The following PAPPA variants were observed in gnomAD, a reference collection of about 807,000 sequenced individuals.
PAPPA encodes the protein pappalysin 1, also known as pappalysin-1.
A neutral mutation model predicts 164.0 loss-of-function variants in PAPPA; 60 were observed. The ratio of observed to expected loss-of-function variants is 0.37; its 90% CI spans 0.30 to 0.45. The LOEUF is 0.45. Ranked by LOEUF, PAPPA falls within the 20% of genes least tolerant of loss-of-function variation. PAPPA has a pLI of 1.00. For synonymous variants in PAPPA, 875 were observed against 814.1 expected, an observed-to-expected ratio of 1.07 and a Z score of -1.27; for missense variants, 1,782 against 2,087.3, an observed-to-expected ratio of 0.85 and a Z score of 2.85.
chr9:116,244,970 TACTC>T (rs1222657645), intron 7 of PAPPA, among the ~76,000 whole-genome samples: 1 of 152,212 alleles, frequency 6.6e-6, no homozygotes, highest in Non-Finnish European at 1.5e-5. Flanking sequence ...AATGGAATGT[TACTC>T]AGCCATTAAA....
At chr9:116,280,823 A>G (rs1217582605) in intron 9 of PAPPA, among the ~76,000 whole-genome samples, 3 of 152,224 alleles carry the variant, frequency 2.0e-5, no homozygotes. Flanking sequence ...ATTTGCCACT[A>G]CAAAGGTGGA....
chr9:116,367,649 G>A lies in PAPPA; in HGVS notation c.4500G>A (p.Ser1500=), dbSNP rs148468362. 9.6e-5 allele frequency: 155 copies of A among 1,612,934 alleles called. No homozygotes were observed. Among genetic ancestry groups the A allele is most frequent in the South Asian group, 8.4e-4 (76 of 90,926 alleles). The change falls in exon 19 of 22, where the codon TCG becomes TCA. Residue 1500 remains serine, a synonymous_variant. Transcript: ENST00000328252. ...CTCATGCTGTACTTCCCTCAGGGTC[G>A]GAGTGTGCCACCTCGTGCCTGGACC... ...LQCPDGYAIG[S]ECATSCLDHN... is the part of the protein sequence containing the mutation.
chr9:116,375,643 G>C (rs896643710), intron 19 of PAPPA, among the ~76,000 whole-genome samples: 1 of 152,130 alleles, frequency 6.6e-6, no homozygotes, highest in African/African-American at 2.4e-5. Context: ...AGATTTTATG[G>C]AGCAGAGAAG....
intron 1 of PAPPA, among the ~76,000 whole-genome samples, chr9:116,160,591 A>C (rs1843654647): frequency 1.3e-5 from 2 of 152,078 alleles, no homozygotes; most frequent in South Asian, 4.2e-4. Flanking sequence ...AGAAGAGAAA[A>C]TCTCCAGGTA....
intron 1 of PAPPA, among the ~76,000 whole-genome samples, chr9:116,171,697 T>C (rs1444273748): frequency 6.6e-6 from 1 of 152,154 alleles, no homozygotes. Flanking sequence ...CATCCTTCCG[T>C]CTGTCCTCAT....
rs1169893454 is a variant in PAPPA at position 116,398,933 on chromosome 9, G to A, written c.*2317G>A. The A allele has an allele frequency of 3.9e-5, 13 of 334,258 alleles. No homozygotes were observed. The Admixed American group carries it at 5.5e-4, about 14-fold the overall frequency. 20.7% of individuals were successfully genotyped at this position (334,258 alleles called of 1,614,324 possible). A position where few individuals can be genotyped will look rare whatever the true frequency, so the allele number is the denominator to read the frequency against. ...ACTCTCCAGGCCTCTCTCTTGCCCTGAGTTATCAGCCTGTGTGGTGTTAAC... is the reference window on the plus strand; with the variant it reads ...ACTCTCCAGGCCTCTCTCTTGCCCTAAGTTATCAGCCTGTGTGGTGTTAAC... On this transcript the variant is annotated 3_prime_UTR_variant, in exon 22 of 22. Transcript: ENST00000328252.
At chr9:116,217,729 T>C (rs1418209679) in intron 4 of PAPPA, among the ~76,000 whole-genome samples, 1 of 152,142 alleles carries the variant, frequency 6.6e-6, no homozygotes, top group African/African-American at 2.4e-5. Flanking sequence ...TTGCTCTTAG[T>C]GCCCCACACC....
intron 9 of PAPPA, chr9:116,288,842 G>C (rs1845378309): frequency 2.0e-5 from 3 of 152,020 alleles, no homozygotes; most frequent in African/African-American, 7.2e-5. Flanking sequence ...ACCAGTCAGA[G>C]TTCAGGGTGG....
chr9:116,273,722 C>T (rs905901189), intron 9 of PAPPA, among the ~76,000 whole-genome samples: 13 of 151,972 alleles, frequency 8.6e-5, no homozygotes, highest in Admixed American at 2.6e-4. Flanking sequence ...TGCAGTGAGC[C>T]GAGATCATGC....
At chr9:116,272,305 A>G (rs1845146361) in intron 9 of PAPPA, among the ~76,000 whole-genome samples, 2 of 152,226 alleles carry the variant, frequency 1.3e-5, no homozygotes, top group Admixed American at 6.5e-5. Flanking sequence ...TTCATTTGCA[A>G]GTACAAAAGA....
chr9:116,264,416 G>C (rs1208093335), intron 7 of PAPPA, among the ~76,000 whole-genome samples: 1 of 152,228 alleles, frequency 6.6e-6, no homozygotes, highest in African/African-American at 2.4e-5. Flanking sequence ...AGCAGTTCCA[G>C]TGCTGCTAAA....
chr9:116,182,985 C>T (rs567158833), intron 1 of PAPPA, among the ~76,000 whole-genome samples: 47 of 152,288 alleles, frequency 3.1e-4, no homozygotes, highest in African/African-American at 1.1e-3. Flanking sequence ...CAGACATACG[C>T]TAATTATATG....
intron 8 of PAPPA, among the ~76,000 whole-genome samples, chr9:116,270,928 A>G (rs966396156): frequency 5.3e-5 from 8 of 152,154 alleles, no homozygotes; most frequent in African/African-American, 1.9e-4. Flanking sequence ...CAGAATCTCT[A>G]CATTTTCCTT....
chr9:116,183,351 G>T (rs1246081672), intron 1 of PAPPA, among the ~76,000 whole-genome samples: 7 of 152,158 alleles, frequency 4.6e-5, no homozygotes. Flanking sequence ...GAACAAAAGA[G>T]CTCTTAAATT....
intron 7 of PAPPA, among the ~76,000 whole-genome samples, chr9:116,237,982 G>T (rs1191241995): frequency 6.6e-6 from 1 of 152,054 alleles, no homozygotes; most frequent in South Asian, 2.1e-4. Flanking sequence ...GCCTCCCAAA[G>T]TGCTGGGATT....
rs546509648 is a variant in PAPPA, at chr9:116,324,109, G to T, written c.3148-7135G>T. On this transcript the variant is annotated intron_variant, in intron 10 of 21. Coordinates refer to ENST00000328252, the MANE Select transcript of PAPPA (RefSeq NM_002581.5). ...TGTGGCTGGGATTAAGACCCCGCTA[G>T]CACAAATATATCTATTCTCTTATTT... Among the ~76,000 whole-genome samples the T allele has an allele frequency of 9.8e-5, 15 of 152,304 alleles. No individual in the cohort carries two copies. In the South Asian group the frequency reaches 2.5e-3, roughly 25 times the overall value.
chr9:116,220,306 T>C (rs942546126), intron 5 of PAPPA, among the ~76,000 whole-genome samples, 177 bp downstream of exon 5: 18 of 152,154 alleles, frequency 1.2e-4, no homozygotes, highest in Non-Finnish European at 2.6e-4. Context: ...TAAATGGTCA[T>C]TAATAGAAAC....
At chr9:116,322,394 T>C (rs145063595) in intron 10 of PAPPA, among the ~76,000 whole-genome samples, 190 of 98,940 alleles carry the variant, frequency 1.9e-3, no homozygotes, top group Non-Finnish European at 2.7e-3. Context: ...TGGGGTACAA[T>C]AGGAAGACTT....
intron 6 of PAPPA, among the ~76,000 whole-genome samples, chr9:116,232,402 C>A (rs888597904): frequency 1.3e-5 from 2 of 152,186 alleles, no homozygotes; most frequent in Non-Finnish European, 2.9e-5. Context: ...TTTACAGCAA[C>A]CTTGAGGTAG....
Sources: allele counts gnomAD v4.1 joint callset (sites outside exome capture counted in the v4.1 genomes callset), GRCh38; gene constraint gnomAD v4.1.1; transcripts MANE v1.5; gene names NCBI Gene and HGNC (gene_info 2026-07-23, HGNC 2026-07-21).